Variants in GRM8 observed in about 807,000 individuals in gnomAD.
The protein encoded by GRM8 is glutamate metabotropic receptor 8.
A neutral mutation model predicts 87.2 loss-of-function variants in GRM8; 47 were observed. That is an observed-to-expected ratio of 0.54 (90% CI 0.43 to 0.69). GRM8 has a LOEUF of 0.69. Among genes scored for constraint, GRM8 ranks in the 30% least tolerant of loss-of-function variants. GRM8 has a pLI of 0.00. For missense variants in GRM8, 1,019 were observed against 1,139.2 expected (o/e 0.89, Z 1.52); for synonymous variants, 396 against 404.5 (o/e 0.98, Z 0.25).
At chr7:127,014,017 G>A (rs1815153736) in intron 3 of GRM8, among the ~76,000 whole-genome samples, 1 of 152,158 alleles carries the variant, frequency 6.6e-6, no homozygotes, top group Non-Finnish European at 1.5e-5. Context: ...GAAGACTCTT[G>A]GTGAGTTATG....
At chr7:126,844,780 G>GA (rs1309840782) in intron 6 of GRM8, among the ~76,000 whole-genome samples, 5 of 152,146 alleles carry the variant, frequency 3.3e-5, no homozygotes, top group Non-Finnish European at 7.4e-5. Flanking sequence ...GAGAGATAGA[G>GA]AAAATGATCT....
chr7:126,472,399 G>C (rs1172038043), intron 9 of GRM8, among the ~76,000 whole-genome samples: 1 of 152,106 alleles, frequency 6.6e-6, no homozygotes, highest in Non-Finnish European at 1.5e-5. Context: ...AGCATGAAGG[G>C]TTGTTGAATT....
chr7:127,024,946 T>A (rs549992290), intron 3 of GRM8, among the ~76,000 whole-genome samples: 14 of 152,106 alleles, frequency 9.2e-5, no homozygotes, highest in Admixed American at 2.6e-4. Flanking sequence ...CCTCCTATGT[T>A]TTTGTTGTTG....
At chr7:127,241,950 C>G (rs935376695) in intron 2 of GRM8, among the ~76,000 whole-genome samples, 2 of 152,104 alleles carry the variant, frequency 1.3e-5, no homozygotes, top group African/African-American at 4.8e-5. Context: ...GCACTTTATA[C>G]TTTTCAAAGT....
chr7:127,093,358 A>G (rs1281165372), intron 3 of GRM8, among the ~76,000 whole-genome samples: 1 of 152,174 alleles, frequency 6.6e-6, no homozygotes, highest in Non-Finnish European at 1.5e-5. Flanking sequence ...ATAAAATGTC[A>G]TATCAGCTCA....
At chr7:126,476,092 A>T (rs2150574561) in intron 9 of GRM8, among the ~76,000 whole-genome samples, 1 of 152,242 alleles carries the variant, frequency 6.6e-6, no homozygotes, top group Admixed American at 6.5e-5. Flanking sequence ...AACAAAAATA[A>T]AAATAAACAA....
intron 6 of GRM8, among the ~76,000 whole-genome samples, chr7:126,838,010 T>C (rs1432029578): frequency 1.3e-5 from 2 of 152,222 alleles, no homozygotes; most frequent in African/African-American, 4.8e-5. Flanking sequence ...CTGTGAAGCC[T>C]ATTTCAAATG....
At chr7:126,852,740 A>G (rs1797326199) in intron 6 of GRM8, among the ~76,000 whole-genome samples, 1 of 152,130 alleles carries the variant, frequency 6.6e-6, no homozygotes. Flanking sequence ...AGCCTGTGTA[A>G]TTAATCTTTG....
chr7:127,109,378 TA>T (rs1414166044), intron 2 of GRM8, among the ~76,000 whole-genome samples: 7 of 152,142 alleles, frequency 4.6e-5, no homozygotes, highest in Non-Finnish European at 7.4e-5. Flanking sequence ...ATGGCCAATG[TA>T]AAGGATAAAA....
intron 8 of GRM8, among the ~76,000 whole-genome samples, chr7:126,597,393 T>C (rs1797310883): frequency 6.6e-6 from 1 of 152,116 alleles, no homozygotes; most frequent in African/African-American, 2.4e-5. Flanking sequence ...AGATTTCACA[T>C]AACGCTGATG....
intron 1 of GRM8, among the ~76,000 whole-genome samples, chr7:127,245,392 G>A (rs1282542608): frequency 6.6e-6 from 1 of 152,150 alleles, no homozygotes; most frequent in Non-Finnish European, 1.5e-5. Context: ...TGGGTCTTGG[G>A]ACCACCTTTC....
chr7:126,877,174 T>C (rs1160863253), intron 6 of GRM8, among the ~76,000 whole-genome samples: 2 of 152,144 alleles, frequency 1.3e-5, no homozygotes, highest in South Asian at 4.1e-4. Context: ...GCCTTCCTCT[T>C]TCTCTCTCTG....
intron 2 of GRM8, among the ~76,000 whole-genome samples, chr7:127,166,947 C>A (rs1179042813): frequency 6.6e-6 from 1 of 152,072 alleles, no homozygotes; most frequent in Non-Finnish European, 1.5e-5. Flanking sequence ...GGAAAGGATT[C>A]TTTTTTTGCT....
At chr7:126,571,545 G>C (rs1223873871) in intron 8 of GRM8, among the ~76,000 whole-genome samples, 1 of 152,086 alleles carries the variant, frequency 6.6e-6, no homozygotes, top group East Asian at 1.9e-4. Context: ...GGAATAGTAA[G>C]ATTTCTAGTG....
intron 6 of GRM8, among the ~76,000 whole-genome samples, chr7:126,891,252 T>C (rs1800974777): frequency 6.6e-6 from 1 of 152,014 alleles, no homozygotes; most frequent in Non-Finnish European, 1.5e-5. Flanking sequence ...ATCCATCTAC[T>C]TCTGTCCATT....
At chr7:126,519,287 T>A (rs986168627) in intron 9 of GRM8, among the ~76,000 whole-genome samples, 1 of 152,008 alleles carries the variant, frequency 6.6e-6, no homozygotes, top group African/African-American at 2.4e-5. Flanking sequence ...AGCACATATG[T>A]GTTTAGAACT....
intron 6 of GRM8, among the ~76,000 whole-genome samples, chr7:126,793,982 C>G (rs1821660242): frequency 6.6e-6 from 1 of 152,124 alleles, no homozygotes; most frequent in South Asian, 2.1e-4. Flanking sequence ...AGGAATTACT[C>G]TGGATCATTA....
In GRM8 at chr7:127,030,061, G is replaced by GAA. The variant is rs1432102075; in HGVS notation, c.727+76434_727+76435insTT. On this transcript the variant is annotated intron_variant, in intron 3 of 10. Transcript: ENST00000339582. ...TCTTGACCAAGAAATCTGCCCAGGT[G>GAA]AGGAGTGGGGTTTTCTGAAGGCAGC... Among the ~76,000 whole-genome samples, 5 of 152,052 alleles carry GAA rather than the reference G, an allele frequency of 3.3e-5. No homozygotes were observed. The South Asian group carries it at 8.3e-4, about 25-fold the overall frequency.
chr7:126,857,263 A>G (rs985493201), intron 6 of GRM8, among the ~76,000 whole-genome samples: 1 of 152,142 alleles, frequency 6.6e-6, no homozygotes, highest in African/African-American at 2.4e-5. Flanking sequence ...AAAACCTCTT[A>G]ACCAAATGGT....
Sources: allele counts gnomAD v4.1 joint callset (sites outside exome capture counted in the v4.1 genomes callset), GRCh38; gene constraint gnomAD v4.1.1; transcripts MANE v1.5; gene names NCBI Gene and HGNC (gene_info 2026-07-23, HGNC 2026-07-21).